Variants in NFIB observed in about 807,000 individuals in gnomAD.
NFIB encodes nuclear factor 1 B-type.
In NFIB, 11 loss-of-function variants were observed where a neutral mutation model predicts 61.5. The ratio of observed to expected loss-of-function variants is 0.18; its 90% confidence interval spans 0.11 to 0.30. The LOEUF (loss-of-function observed/expected upper bound fraction) is 0.30, where lower values mean the gene tolerates loss of function less well. Ranked by LOEUF, NFIB falls within the 10% of genes least tolerant of loss-of-function variation. NFIB has a pLI of 1.00. For missense variants in NFIB, 471 were observed against 608.9 expected (o/e 0.77, Z 2.38); for synonymous variants, 260 against 216.5 (o/e 1.20, Z -1.76).
chr9:14,512,912 A>C, the NFIB span, among the ~76,000 whole-genome samples: 1 of 148,110 alleles, frequency 6.8e-6, no homozygotes, highest in African/African-American at 2.5e-5. Flanking sequence ...TTTCCATAGA[A>C]TCAAATGTTC....
chr9:14,428,994 C>G, the NFIB span, among the ~76,000 whole-genome samples: 54,658 of 152,036 alleles, frequency 0.36, 10,936 homozygotes, highest in Admixed American at 0.52. Flanking sequence ...CGCGTCTTGA[C>G]CGGGACCTCC....
intron 1 of NFIB, among the ~76,000 whole-genome samples, chr9:14,398,365 A>G (rs1010323945): frequency 1.3e-5 from 2 of 152,154 alleles, no homozygotes; most frequent in African/African-American, 2.4e-5. Context: ...CTGAAAGTTC[A>G]CCTCAGTAGT....
the NFIB span, among the ~76,000 whole-genome samples, chr9:14,522,136 A>G: frequency 2.9e-4 from 44 of 152,312 alleles, no homozygotes; most frequent in South Asian, 3.9e-3. Flanking sequence ...TGATGGCACA[A>G]CAATAATTAC....
At chr9:14,252,370 C>A (rs1475414882) in intron 2 of NFIB, among the ~76,000 whole-genome samples, 1 of 152,026 alleles carries the variant, frequency 6.6e-6, no homozygotes, top group East Asian at 1.9e-4. Flanking sequence ...GAGACTAAAT[C>A]TTTAAAATAT....
chr9:14,212,789 C>G (rs1439499653), intron 2 of NFIB, among the ~76,000 whole-genome samples: 1 of 152,174 alleles, frequency 6.6e-6, no homozygotes, highest in Non-Finnish European at 1.5e-5. Context: ...TTACAAAACA[C>G]TTTCACATAA....
At chr9:14,475,027 T>A in the NFIB span, among the ~76,000 whole-genome samples, 3 of 152,206 alleles carry the variant, frequency 2.0e-5, no homozygotes, top group African/African-American at 7.2e-5. Flanking sequence ...CAAATGCTAA[T>A]GTCTTGCAGA....
chr9:14,363,603 A>T (rs1224957098), intron 1 of NFIB, among the ~76,000 whole-genome samples: 1 of 137,134 alleles, frequency 7.3e-6, no homozygotes, highest in Non-Finnish European at 1.6e-5. Context: ...GTACATATAC[A>T]TATATATGTG....
chr9:14,409,547 A>T, the NFIB span, among the ~76,000 whole-genome samples: 1 of 152,214 alleles, frequency 6.6e-6, no homozygotes, highest in East Asian at 1.9e-4. Flanking sequence ...GAGTACTTCT[A>T]GGGTTAGAGA....
At chr9:14,362,852 T>A (rs998194963) in intron 1 of NFIB, 1 of 152,062 alleles carries the variant, frequency 6.6e-6, no homozygotes, top group African/African-American at 2.4e-5. Flanking sequence ...GCTGGGATCC[T>A]GTCACTGCAC....
chr9:14,427,983 C>T, the NFIB span, among the ~76,000 whole-genome samples: 1 of 87,080 alleles, frequency 1.1e-5, no homozygotes, highest in Non-Finnish European at 2.2e-5. Flanking sequence ...CTCACTCTGT[C>T]ACTCAGGCCA....
At position 14,241,231 on chromosome 9, in the gene NFIB, A is replaced by T. The variant is rs538813298; in HGVS notation, c.563-61451T>A. 2.0e-5 allele frequency among the ~76,000 whole-genome samples: 3 copies of T among 152,334 alleles called. No individual in the cohort carries two copies. The East Asian group carries it at 5.8e-4, about 29-fold the overall frequency. On this transcript the variant is annotated intron_variant, in intron 2 of 10. Transcript: ENST00000380953. ...CTCAATAGTTATGTATGCATAACGG[A>T]CCAGGCCATTACCAAGGCTAAGTAA...
chr9:14,278,072 G>A (rs1044579011), intron 2 of NFIB, among the ~76,000 whole-genome samples: 5 of 152,106 alleles, frequency 3.3e-5, no homozygotes, highest in African/African-American at 1.2e-4. Context: ...CATGAGTTTT[G>A]GTGCTAAGTT....
intron 3 of NFIB, 114 bp downstream of exon 3, chr9:14,179,613 C>A: frequency 9.0e-7 from 1 of 1,116,358 alleles, no homozygotes; most frequent in Non-Finnish European, 1.3e-6. Context: ...CCCGATCATA[C>A]CTGCCTGCCA....
At chr9:14,141,965 C>T (rs1041404416) in intron 6 of NFIB, among the ~76,000 whole-genome samples, 2 of 140,074 alleles carry the variant, frequency 1.4e-5, no homozygotes, top group African/African-American at 5.3e-5. Context: ...ATATATTTAA[C>T]ATATCATATT....
the NFIB span, among the ~76,000 whole-genome samples, chr9:14,492,680 A>T: frequency 1.3e-5 from 2 of 152,108 alleles, no homozygotes; most frequent in Non-Finnish European, 2.9e-5. Flanking sequence ...TTCATGAAGG[A>T]TCCACCCCCA....
chr9:14,344,945 T>C (rs752849972), intron 1 of NFIB, among the ~76,000 whole-genome samples: 1 of 152,140 alleles, frequency 6.6e-6, no homozygotes, highest in Non-Finnish European at 1.5e-5. Context: ...GAGGGGTGGT[T>C]GGGGCATTCT....
chr9:14,416,284 C>T, the NFIB span, among the ~76,000 whole-genome samples: 1 of 152,168 alleles, frequency 6.6e-6, no homozygotes, highest in Non-Finnish European at 1.5e-5. Flanking sequence ...ATACCTCCTT[C>T]TACTTATTTT....
chr9:14,305,651 A>C (rs1039031755), intron 2 of NFIB: 1 of 172,276 alleles, frequency 5.8e-6, no homozygotes, highest in African/African-American at 2.4e-5. Context: ...CAGACTAAAA[A>C]TTCTAAAATG....
intron 10 of NFIB, among the ~76,000 whole-genome samples, chr9:14,091,250 C>T (rs1456071179): frequency 6.7e-6 from 1 of 150,118 alleles, no homozygotes; most frequent in East Asian, 1.9e-4. Flanking sequence ...TTTGGTAGTC[C>T]TGTTAAAAAA....
Sources: allele counts gnomAD v4.1 joint callset (sites outside exome capture counted in the v4.1 genomes callset), GRCh38; gene constraint gnomAD v4.1.1; transcripts MANE v1.5; gene names NCBI Gene and HGNC (gene_info 2026-07-23, HGNC 2026-07-21).